MPPED1: variants seen among roughly 807,000 people sequenced by gnomAD.
MPPED1 encodes metallophosphoesterase domain-containing protein 1.
In MPPED1, 16 loss-of-function variants were observed where a neutral mutation model predicts 36.2. The ratio of observed to expected loss-of-function variants is 0.44; its 90% confidence interval spans 0.30 to 0.67. The LOEUF is 0.67. MPPED1 is among the 30% of genes least tolerant of loss of function. The pLI is 0.10. For synonymous variants in MPPED1, 199 were observed against 191.3 expected, an observed-to-expected ratio of 1.04 and a Z score of -0.33; for missense variants, 307 against 453.4, an observed-to-expected ratio of 0.68 and a Z score of 2.93.
At chr22:43,438,433 C>T (rs1039259677) in intron 3 of MPPED1, among the ~76,000 whole-genome samples, 2 of 152,088 alleles carry the variant, frequency 1.3e-5, no homozygotes, top group African/African-American at 4.8e-5. Flanking sequence ...GTGGGGCAGG[C>T]ACTGGTCCAC....
At chr22:43,479,046 T>G (rs1309227598) in intron 4 of MPPED1, among the ~76,000 whole-genome samples, 1 of 152,172 alleles carries the variant, frequency 6.6e-6, no homozygotes, top group Non-Finnish European at 1.5e-5. Context: ...CTGCTGATCC[T>G]GCCTGGTGTC....
intron 3 of MPPED1, among the ~76,000 whole-genome samples, chr22:43,472,704 C>T (rs78673918): frequency 0.014 from 2,122 of 152,342 alleles, 67 homozygotes; most frequent in African/African-American, 0.048. Flanking sequence ...ACTTCTGTCT[C>T]GCCTTGGGGT....
At chr22:43,443,205 C>T (rs891113088) in intron 3 of MPPED1, among the ~76,000 whole-genome samples, 12 of 152,176 alleles carry the variant, frequency 7.9e-5, no homozygotes, top group African/African-American at 2.9e-4. Flanking sequence ...GCTCTGAATT[C>T]CTGCTGCACA....
chr22:43,496,980 A>T (rs1238688863), intron 4 of MPPED1, among the ~76,000 whole-genome samples: 1 of 85,846 alleles, frequency 1.2e-5, no homozygotes, highest in Non-Finnish European at 2.3e-5. Context: ...GTGGTGGTGG[A>T]GGTAGTGGTG....
intron 3 of MPPED1, among the ~76,000 whole-genome samples, chr22:43,435,428 T>G (rs1929923854): frequency 6.6e-6 from 1 of 151,536 alleles, no homozygotes; most frequent in Non-Finnish European, 1.5e-5. Flanking sequence ...TCTGTCTTGG[T>G]TGTGACTTTC....
At chr22:43,438,737 C>T (rs186319518) in intron 3 of MPPED1, among the ~76,000 whole-genome samples, 4 of 152,138 alleles carry the variant, frequency 2.6e-5, no homozygotes, top group Admixed American at 6.5e-5. Context: ...ACAAAGGCAA[C>T]GCTCCTGGGT....
intron 4 of MPPED1, among the ~76,000 whole-genome samples, chr22:43,490,453 C>T (rs533324242): frequency 1.4e-4 from 22 of 152,196 alleles, no homozygotes; most frequent in East Asian, 3.9e-4. Context: ...AAGAAGCTGG[C>T]GGGAAACTGT....
intron 3 of MPPED1, among the ~76,000 whole-genome samples, chr22:43,473,920 C>A (rs940380792): frequency 1.3e-5 from 2 of 152,172 alleles, no homozygotes; most frequent in African/African-American, 2.4e-5. Context: ...AAGAACTACC[C>A]AAAAGTTCGC....
intron 3 of MPPED1, among the ~76,000 whole-genome samples, chr22:43,469,428 T>C (rs944025044): frequency 3.4e-5 from 1 of 29,412 alleles, no homozygotes; most frequent in African/African-American, 1.1e-4. Flanking sequence ...CAAGCGAGCC[T>C]CTAATGATTG....
At chr22:43,463,038 G>T (rs1244131986) in intron 3 of MPPED1, among the ~76,000 whole-genome samples, 4 of 152,100 alleles carry the variant, frequency 2.6e-5, no homozygotes, top group Non-Finnish European at 5.9e-5. Context: ...CTGAGTTGCA[G>T]ATCATTTTCC....
intron 4 of MPPED1, among the ~76,000 whole-genome samples, chr22:43,492,390 C>T (rs1298045693): frequency 1.3e-5 from 2 of 152,104 alleles, no homozygotes; most frequent in African/African-American, 2.4e-5. Context: ...TGGCTTCCTG[C>T]AGGCCTGTGT....
rs1932751669 is a variant in MPPED1, at chr22:43,502,196, G to A, written c.749-448G>A. On this transcript the variant is annotated intron_variant, in intron 5 of 6. Transcript: ENST00000443721. This position sits in a 1 kb window ranked among gnomAD's most constrained non-coding sequence, Gnocchi z 5.5. ...TTTCTGACATGGAAATCTCACTCCT[G>A]GGCTGTGTATCAGGACGCCCTGCTC... is the stretch of plus-strand genomic sequence containing the variant. Among the ~76,000 whole-genome samples the A allele has an allele frequency of 6.6e-6, 1 of 152,110 alleles. No homozygotes were observed. The highest frequency in any genetic ancestry group is 2.1e-4 in the South Asian group (1 of 4,830).
In MPPED1 at chr22:43,498,277, C is replaced by T; in HGVS notation, c.675C>T (p.Gly225=). The change falls in exon 5 of 7, where the codon GGC becomes GGT. Residue 225 remains glycine (G), a synonymous_variant. Coordinates refer to ENST00000443721, the MANE Select transcript of MPPED1 (RefSeq NM_001044370.2). The part of the protein sequence containing the change: ...FYGWGFNLPR[G]QALLEKWNLI... ...GCTGGGGCTTCAACCTCCCGCGAGG[C>T]CAAGCCCTGCTGGAGAAATGGAACC... is the stretch of plus-strand genomic sequence containing the variant. The T allele has an allele frequency of 6.5e-7, 1 of 1,535,322 alleles. No individual in the cohort carries two copies. Among genetic ancestry groups the T allele is most frequent in the Non-Finnish European group, 8.7e-7 (1 of 1,146,520 alleles).
chr22:43,489,026 G>C (rs1289902465), intron 4 of MPPED1, among the ~76,000 whole-genome samples: 2 of 152,176 alleles, frequency 1.3e-5, no homozygotes, highest in Non-Finnish European at 2.9e-5. Context: ...GGCAGTGAGG[G>C]GTGGGCTTGA....
chr22:43,426,739 C>T (rs1236324706), intron 2 of MPPED1, among the ~76,000 whole-genome samples: 1 of 152,250 alleles, frequency 6.6e-6, no homozygotes, highest in Non-Finnish European at 1.5e-5. Context: ...CGCCCTCTTC[C>T]AGTGGCACTT....
At chr22:43,454,560 C>A (rs767018170) in intron 3 of MPPED1, among the ~76,000 whole-genome samples, 5 of 152,012 alleles carry the variant, frequency 3.3e-5, no homozygotes, top group Non-Finnish European at 7.4e-5. Flanking sequence ...CTGCTTTGGC[C>A]TCCCAAAATT....
At chr22:43,450,870 G>A (rs1930540737) in intron 3 of MPPED1, among the ~76,000 whole-genome samples, 1 of 152,042 alleles carries the variant, frequency 6.6e-6, no homozygotes, top group South Asian at 2.1e-4. Context: ...GGGATTACAA[G>A]CATGTGCCAC....
intron 3 of MPPED1, among the ~76,000 whole-genome samples, chr22:43,449,105 A>T (rs1281828866): frequency 1.3e-5 from 2 of 152,180 alleles, no homozygotes; most frequent in Non-Finnish European, 2.9e-5. Context: ...CTGATGGGAT[A>T]CAGGGATTTT....
chr22:43,446,231 T>A (rs778802398), intron 3 of MPPED1, among the ~76,000 whole-genome samples: 7 of 152,378 alleles, frequency 4.6e-5, no homozygotes, highest in Non-Finnish European at 1.0e-4. Flanking sequence ...TATTAGTATT[T>A]GTTTTCCAGG....
Sources: gnomAD v4.1 joint callset for allele counts (sites outside exome capture counted in the v4.1 genomes callset) on GRCh38, gnomAD v4.1.1 for gene constraint, Gnocchi (gnomAD v3.1) non-coding constraint, MANE v1.5 for transcripts, NCBI Gene and HGNC (gene_info 2026-07-23, HGNC 2026-07-21) for gene names.